Variants in SIL1 observed in about 807,000 individuals in gnomAD.
SIL1 encodes SIL1 nucleotide exchange factor, also known as nucleotide exchange factor SIL1.
A neutral mutation model predicts 49.1 loss-of-function variants in SIL1; 40 were observed. That is an observed-to-expected ratio of 0.81 (90% CI 0.63 to 1.06). The LOEUF is 1.06. Among genes scored for constraint, SIL1 ranks in the 50% least tolerant of loss-of-function variants. The probability of loss-of-function intolerance (pLI) is 0.00; values close to 1 mark genes in which losing one functional copy is unlikely to be tolerated. For synonymous variants in SIL1, 253 were observed against 250.8 expected, an observed-to-expected ratio of 1.01 and a Z score of -0.08; for missense variants, 500 against 572.6, an observed-to-expected ratio of 0.87 and a Z score of 1.29.
chr5:139,112,404 G>A (rs1296695570), intron 3 of SIL1, among the ~76,000 whole-genome samples: 2 of 151,220 alleles, frequency 1.3e-5, no homozygotes, highest in Non-Finnish European at 2.9e-5. Flanking sequence ...AGTGAGGAGC[G>A]TCTCTGCCCG....
chr5:138,995,217 A>G (rs1224665976), intron 7 of SIL1, among the ~76,000 whole-genome samples: 1 of 151,904 alleles, frequency 6.6e-6, no homozygotes, highest in African/African-American at 2.4e-5. Flanking sequence ...TCAAATCAGT[A>G]TAATTGGGAT....
intron 1 of SIL1, among the ~76,000 whole-genome samples, chr5:139,164,059 C>T (rs1751569766): frequency 7.0e-6 from 1 of 142,216 alleles, no homozygotes; most frequent in African/African-American, 2.7e-5. Flanking sequence ...ACAGAGGTTG[C>T]AGTAAGACAA....
intron 1 of SIL1, among the ~76,000 whole-genome samples, chr5:139,197,771 T>C (rs1752306106): frequency 6.6e-6 from 1 of 152,280 alleles, no homozygotes; most frequent in African/African-American, 2.4e-5. Context: ...CCAAGGCTTA[T>C]GCACAAAGCC....
intron 7 of SIL1, among the ~76,000 whole-genome samples, chr5:138,978,052 C>T (rs1177860677): frequency 6.6e-6 from 1 of 152,244 alleles, no homozygotes; most frequent in Non-Finnish European, 1.5e-5. Flanking sequence ...ACGTTACTGA[C>T]TTAAAAATGC....
At chr5:139,169,909 G>C (rs1441240987) in intron 1 of SIL1, among the ~76,000 whole-genome samples, 2 of 104,192 alleles carry the variant, frequency 1.9e-5, no homozygotes, top group African/African-American at 5.4e-5. Context: ...GTCTCCCTCT[G>C]ATGCCGAGCC....
chr5:139,140,954 C>T (rs1475166403), intron 1 of SIL1, among the ~76,000 whole-genome samples: 1 of 152,128 alleles, frequency 6.6e-6, no homozygotes, highest in Non-Finnish European at 1.5e-5. Context: ...GCCATGGTCA[C>T]AGGGTTTCCA....
intron 6 of SIL1, among the ~76,000 whole-genome samples, chr5:139,026,011 CT>C (rs1361662282): frequency 1.3e-5 from 2 of 152,190 alleles, no homozygotes; most frequent in Admixed American, 6.5e-5. Flanking sequence ...CTAGTCCCCC[CT>C]CTTCACCCAG....
intron 3 of SIL1, among the ~76,000 whole-genome samples, chr5:139,056,279 C>T (rs1260144396): frequency 2.7e-5 from 4 of 150,746 alleles, no homozygotes; most frequent in Admixed American, 6.6e-5. Flanking sequence ...CGTCTCTGCC[C>T]GGCCGCCCAT....
chr5:139,089,048 T>C lies in SIL1; in HGVS notation c.244+31987A>G, dbSNP rs1286736529. On this transcript the variant is annotated intron_variant, in intron 3 of 9. Transcript: ENST00000394817. Reference sequence around the variant, plus strand: ...AAGTTTTTCAAATTTGAGAAGCTGCTACACCTTGTGGGTTCTGTTTGTGGC... The same window carrying C: ...AAGTTTTTCAAATTTGAGAAGCTGCCACACCTTGTGGGTTCTGTTTGTGGC... Among the ~76,000 whole-genome samples the C allele has an allele frequency of 2.6e-5, 4 of 152,346 alleles. No homozygotes were observed. In the East Asian group the frequency reaches 7.7e-4, roughly 29 times the overall value.
intron 1 of SIL1, among the ~76,000 whole-genome samples, chr5:139,145,629 CGTGTGT>C (rs57675583): frequency 0.071 from 10,164 of 142,426 alleles, 408 homozygotes; most frequent in East Asian, 0.13. Context: ...GGTGTGGGGG[CGTGTGT>C]GTGTGTGTGT....
At chr5:138,971,044 C>T (rs1019971903) in intron 7 of SIL1, among the ~76,000 whole-genome samples, 1 of 152,160 alleles carries the variant, frequency 6.6e-6, no homozygotes, top group Non-Finnish European at 1.5e-5. Flanking sequence ...ATGACCAGCC[C>T]TAACTGGGAA....
At chr5:138,990,651 T>C (rs1407908319) in intron 7 of SIL1, among the ~76,000 whole-genome samples, 18 of 152,126 alleles carry the variant, frequency 1.2e-4, no homozygotes, top group Admixed American at 1.2e-3. Flanking sequence ...TGGTCCCAAA[T>C]TCCAGGGCTC....
At chr5:139,153,544 C>T (rs1391469336) in intron 1 of SIL1, among the ~76,000 whole-genome samples, 2 of 152,146 alleles carry the variant, frequency 1.3e-5, no homozygotes, top group African/African-American at 4.8e-5. Context: ...TGGTTCACCC[C>T]CTAAGCCAGT....
intron 1 of SIL1, among the ~76,000 whole-genome samples, chr5:139,181,256 T>C (rs1751977145): frequency 6.6e-6 from 1 of 152,120 alleles, no homozygotes; most frequent in Non-Finnish European, 1.5e-5. Flanking sequence ...GTGGGAAACA[T>C]GGCTCATCTG....
chr5:139,023,515 G>C (rs1176026716), intron 6 of SIL1, among the ~76,000 whole-genome samples: 1 of 152,266 alleles, frequency 6.6e-6, no homozygotes, highest in African/African-American at 2.4e-5. Flanking sequence ...GCCCGAGGTA[G>C]ATGGGGCGGA....
At position 139,121,137 on chromosome 5, in the gene SIL1, T is replaced by C. The variant is rs185697854; in HGVS notation, c.142A>G (p.Thr48Ala). Residue 48 changes from threonine (T) to alanine (A), a missense_variant, in exon 3 of 10, where the codon ACC (threonine) becomes GCC (alanine). Thr to Ala is a moderately conservative substitution (Grantham distance 58). Transcript: ENST00000394817. ...GTTTCTTTTCTCTCTGTTTCTTTGGTGCTGCTCTTCTCTGGGTTGGTCAGG... is the reference window on the plus strand; with the variant it reads ...GTTTCTTTTCTCTCTGTTTCTTTGGCGCTGCTCTTCTCTGGGTTGGTCAGG... ...FALTNPEKSS[T>A]KETERKETKA... is the part of the protein sequence containing the mutation. 6.2e-7 allele frequency: 1 copy of C among 1,614,190 alleles called. No individual in the cohort carries two copies. The highest frequency in any genetic ancestry group is 2.2e-5 in the East Asian group (1 of 44,888).
intron 3 of SIL1, among the ~76,000 whole-genome samples, chr5:139,051,912 T>A (rs1769296557): frequency 6.6e-6 from 1 of 152,238 alleles, no homozygotes; most frequent in Non-Finnish European, 1.5e-5. Flanking sequence ...ATGAAACTGC[T>A]GTAGGGATGG....
rs1581116106 is a variant in SIL1 at position 139,121,182 on chromosome 5, A to C, written c.106-9T>G. Reference sequence around the variant, plus strand: ...GTCAGGGCAAACTCCTTCTGAGAAAAGAAAACACAGGGCATGACCCACTGC... The same window carrying C: ...GTCAGGGCAAACTCCTTCTGAGAAACGAAAACACAGGGCATGACCCACTGC... On this transcript the variant is annotated splice_polypyrimidine_tract_variant and intron_variant, in intron 2 of 9. Coordinates refer to ENST00000394817, the MANE Select transcript of SIL1 (RefSeq NM_022464.5). The C allele has an allele frequency of 6.2e-7, 1 of 1,613,978 alleles. No individual in the cohort carries two copies. Among genetic ancestry groups the C allele is most frequent in the Non-Finnish European group, 8.5e-7 (1 of 1,179,916 alleles).
intron 3 of SIL1, among the ~76,000 whole-genome samples, chr5:139,066,083 T>G (rs1223493772): frequency 6.6e-6 from 1 of 152,166 alleles, no homozygotes; most frequent in Non-Finnish European, 1.5e-5. Flanking sequence ...AAATGTTCCC[T>G]CCTTGTGCCA....
Sources: gnomAD v4.1 joint callset for allele counts (sites outside exome capture counted in the v4.1 genomes callset) on GRCh38, gnomAD v4.1.1 for gene constraint, MANE v1.5 for transcripts, NCBI Gene and HGNC (gene_info 2026-07-23, HGNC 2026-07-21) for gene names.